DTNB: variants seen among roughly 807,000 people sequenced by gnomAD.
The protein encoded by DTNB is DTN-B.
In DTNB, 63 loss-of-function variants were observed where a neutral mutation model predicts 90.7. The ratio of observed to expected loss-of-function variants is 0.69; its 90% CI spans 0.57 to 0.86. The LOEUF is 0.86. Ranked by LOEUF, DTNB falls within the 40% of genes least tolerant of loss-of-function variation. DTNB has a pLI of 0.00. For synonymous variants in DTNB, 277 were observed against 286.7 expected, an observed-to-expected ratio of 0.97 and a Z score of 0.34; for missense variants, 744 against 807.1, an observed-to-expected ratio of 0.92 and a Z score of 0.95.
chr2:25,456,603 C>T (rs1290236424), intron 10 of DTNB, among the ~76,000 whole-genome samples: 2 of 151,916 alleles, frequency 1.3e-5, no homozygotes, highest in East Asian at 1.9e-4. Flanking sequence ...GACAGAGTCT[C>T]GCTTTGTCTC....
chr2:25,649,593 C>T (rs1281455205), intron 2 of DTNB, among the ~76,000 whole-genome samples: 1 of 152,104 alleles, frequency 6.6e-6, no homozygotes, highest in East Asian at 1.9e-4. Context: ...CTGGCACACG[C>T]CTGTAGTCCC....
intron 9 of DTNB, among the ~76,000 whole-genome samples, chr2:25,487,239 C>T (rs2066394882): frequency 6.6e-6 from 1 of 152,160 alleles, no homozygotes; most frequent in South Asian, 2.1e-4. Flanking sequence ...GAAGTATGGT[C>T]AGTCCTCCAT....
chr2:25,445,319 TC>T (rs1260805398), intron 12 of DTNB, among the ~76,000 whole-genome samples: 2 of 152,226 alleles, frequency 1.3e-5, no homozygotes, highest in Non-Finnish European at 1.5e-5. Flanking sequence ...TCTGTTTCTT[TC>T]TCAGGCTTTT....
chr2:25,407,329 T>C (rs768584610), intron 16 of DTNB, among the ~76,000 whole-genome samples: 3 of 152,116 alleles, frequency 2.0e-5, no homozygotes, highest in Non-Finnish European at 4.4e-5. Context: ...GGTGGGAAAG[T>C]AAATTAGTAC....
intron 8 of DTNB, among the ~76,000 whole-genome samples, chr2:25,566,089 AAAG>A (rs781194915): frequency 2.5e-4 from 38 of 152,206 alleles, no homozygotes; most frequent in Admixed American, 7.9e-4. Flanking sequence ...GAACCCCGTA[AAAG>A]CCATATTTCT....
intron 8 of DTNB, among the ~76,000 whole-genome samples, chr2:25,572,331 G>A (rs2059991434): frequency 6.6e-6 from 1 of 152,134 alleles, no homozygotes; most frequent in Non-Finnish European, 1.5e-5. Flanking sequence ...GCCAGGCGTG[G>A]TGGTGGGCAC....
At chr2:25,533,839 C>A (rs150589060) in intron 8 of DTNB, among the ~76,000 whole-genome samples, 1 of 152,294 alleles carries the variant, frequency 6.6e-6, no homozygotes, top group Non-Finnish European at 1.5e-5. Context: ...CTGCTCCATA[C>A]GACAGCAAGT....
chr2:25,616,630 TAA>T (rs58950790), intron 4 of DTNB, among the ~76,000 whole-genome samples: 6 of 117,678 alleles, frequency 5.1e-5, no homozygotes, highest in African/African-American at 6.9e-5. Flanking sequence ...CTATTTATAG[TAA>T]AAAAAAAAAA....
intron 8 of DTNB, among the ~76,000 whole-genome samples, chr2:25,546,036 G>A (rs1285356730): frequency 6.6e-6 from 1 of 152,202 alleles, no homozygotes; most frequent in Non-Finnish European, 1.5e-5. Flanking sequence ...CTGGCTAGAG[G>A]TCACACACAT....
chr2:25,604,224 A>G (rs2066556931), intron 5 of DTNB, among the ~76,000 whole-genome samples: 1 of 152,162 alleles, frequency 6.6e-6, no homozygotes, highest in Non-Finnish European at 1.5e-5. Context: ...AAAAAACTCA[A>G]GAACTGAAAA....
intron 1 of DTNB, among the ~76,000 whole-genome samples, chr2:25,654,392 G>A (rs1258844449): frequency 6.6e-6 from 1 of 152,140 alleles, no homozygotes; most frequent in Non-Finnish European, 1.5e-5. Flanking sequence ...GTAAACAGAG[G>A]TCAGGGACAC....
At chr2:25,412,952 C>T (rs1353670989) in intron 16 of DTNB, among the ~76,000 whole-genome samples, 1 of 152,140 alleles carries the variant, frequency 6.6e-6, no homozygotes, top group Non-Finnish European at 1.5e-5. Flanking sequence ...CCCTAGTGTC[C>T]CTCTGTAACA....
intron 9 of DTNB, among the ~76,000 whole-genome samples, chr2:25,492,806 C>T (rs987896581): frequency 6.6e-6 from 1 of 152,014 alleles, no homozygotes; most frequent in African/African-American, 2.4e-5. Context: ...GCCGACATCA[C>T]ATCACTGCAC....
chr2:25,672,888 T>C (rs1367032893), intron 1 of DTNB: 3 of 152,104 alleles, frequency 2.0e-5, no homozygotes, highest in East Asian at 3.9e-4. Context: ...CTGTCCAGGG[T>C]GACCTCCTGG....
At chr2:25,475,479 T>C (rs1558681022) in intron 10 of DTNB, among the ~76,000 whole-genome samples, 1 of 152,194 alleles carries the variant, frequency 6.6e-6, no homozygotes, top group East Asian at 1.9e-4. Context: ...GAAAGAACCA[T>C]CTCCATAACA....
intron 16 of DTNB, among the ~76,000 whole-genome samples, chr2:25,395,428 A>AT (rs2042132013): frequency 6.6e-6 from 1 of 151,862 alleles, no homozygotes; most frequent in Non-Finnish European, 1.5e-5. Context: ...ATATGTATAC[A>AT]TAAATATATA....
chr2:25,386,850 A>G (rs2039609570), intron 18 of DTNB, among the ~76,000 whole-genome samples: 1 of 152,228 alleles, frequency 6.6e-6, no homozygotes, highest in Admixed American at 6.5e-5. Context: ...CAAATCAAAC[A>G]GGAGAGAGCA....
intron 8 of DTNB, among the ~76,000 whole-genome samples, chr2:25,538,700 C>T (rs2080420435): frequency 6.6e-6 from 1 of 152,156 alleles, no homozygotes. Context: ...GAACCACCCA[C>T]CTCAGCCTCC....
chr2:25,537,856 G>A (rs1319362127), intron 8 of DTNB, among the ~76,000 whole-genome samples: 3 of 152,148 alleles, frequency 2.0e-5, no homozygotes, highest in East Asian at 1.9e-4. Context: ...CTACAGGTGC[G>A]GGACCCAGAG....
Sources: allele counts gnomAD v4.1 joint callset (sites outside exome capture counted in the v4.1 genomes callset), GRCh38; gene constraint gnomAD v4.1.1; transcripts MANE v1.5; gene names NCBI Gene and HGNC (gene_info 2026-07-23, HGNC 2026-07-21).